Variants in LPIN2 observed in about 807,000 individuals in gnomAD.
The protein encoded by LPIN2 is lipin 2, also known as phosphatidate phosphatase LPIN2.
In LPIN2, 55 loss-of-function variants were observed where a neutral mutation model predicts 111.4. The observed-to-expected ratio is 0.49, with a 90% CI of 0.40 to 0.62. The LOEUF (loss-of-function observed/expected upper bound fraction) is 0.62. Ranked by LOEUF, LPIN2 falls within the 20% of genes least tolerant of loss-of-function variation. The pLI is 0.00. For synonymous variants in LPIN2, 425 were observed against 414.0 expected, an observed-to-expected ratio of 1.03 and a Z score of -0.32; for missense variants, 992 against 1,112.1, an observed-to-expected ratio of 0.89 and a Z score of 1.54.
intron 3 of LPIN2, among the ~76,000 whole-genome samples, chr18:2,952,795 C>T (rs150745925): frequency 1.3e-5 from 2 of 152,090 alleles, no homozygotes; most frequent in Non-Finnish European, 2.9e-5. Flanking sequence ...ATGAAGATAA[C>T]CTGAACGCCT....
intron 3 of LPIN2, among the ~76,000 whole-genome samples, chr18:2,953,714 T>TAG (rs2143130012): frequency 6.6e-6 from 1 of 152,340 alleles, no homozygotes; most frequent in Non-Finnish European, 1.5e-5. Flanking sequence ...ACTTGATGCT[T>TAG]ATCAGTTTTG....
chr18:2,931,302 G>C lies in LPIN2; in HGVS notation c.1410C>G (p.Thr470=), dbSNP rs35932462. The part of the protein sequence containing the change: ...SDSAMDLPDV[T]LSLCGGLSEN... Reference sequence around the variant, plus strand: ...CACTGAGGCCCCCGCAAAGGGAGAGGGTAACGTCAGGCAAGTCCATGGCAG... The same window carrying C: ...CACTGAGGCCCCCGCAAAGGGAGAGCGTAACGTCAGGCAAGTCCATGGCAG... The change falls in exon 9 of 20, where the codon ACC becomes ACG. Residue 470 remains threonine, a synonymous_variant. Transcript: ENST00000677752. The C allele has an allele frequency of 6.2e-6, 10 of 1,614,196 alleles. No individual in the cohort carries two copies. The African/African-American group carries it at 1.2e-4, about 19-fold the overall frequency.
intron 4 of LPIN2, among the ~76,000 whole-genome samples, chr18:2,949,702 A>G (rs932077876): frequency 6.6e-6 from 1 of 152,250 alleles, no homozygotes; most frequent in African/African-American, 2.4e-5. Flanking sequence ...TAAGATTTAA[A>G]ATCTAGATTT....
chr18:3,008,383 A>C (rs966844836), intron 1 of LPIN2, among the ~76,000 whole-genome samples: 1 of 152,248 alleles, frequency 6.6e-6, no homozygotes, highest in Non-Finnish European at 1.5e-5. Context: ...CGGAGGCTGC[A>C]GTGAGCCGAG....
At chr18:2,928,715 G>GA in intron 10 of LPIN2, 55 bp from the exon 11 acceptor site, 1 of 1,310,844 alleles carries the variant, frequency 7.6e-7, no homozygotes, top group Non-Finnish European at 1.1e-6. Flanking sequence ...GAGCAAGAGA[G>GA]AGGGGAGGGA....
At chr18:2,978,390 A>G (rs1188855332) in intron 1 of LPIN2, among the ~76,000 whole-genome samples, 1 of 152,172 alleles carries the variant, frequency 6.6e-6, no homozygotes, top group Non-Finnish European at 1.5e-5. Flanking sequence ...GACTCCTGGT[A>G]TGACTCACTG....
rs116715248 is a variant in LPIN2, at chr18:2,959,111, T to C, written c.192+1538A>G. On this transcript the variant is annotated intron_variant, in intron 2 of 19. Transcript: ENST00000677752. ...AACCTAAACTATGGCTAAATAACAC[T>C]GTTTTGCAATGGAAAGTTTCTAAGT... 8.6e-3 allele frequency among the ~76,000 whole-genome samples: 1,315 copies of C among 152,274 alleles called. 24 individuals are homozygous for C. Among genetic ancestry groups the C allele is most frequent in the African/African-American group, 0.03 (1,249 of 41,560 alleles).
At chr18:2,968,850 G>A (rs754931974) in intron 1 of LPIN2, among the ~76,000 whole-genome samples, 3 of 152,126 alleles carry the variant, frequency 2.0e-5, no homozygotes, top group Non-Finnish European at 4.4e-5. Flanking sequence ...AGGTCACAGG[G>A]GGAGGATGAA....
At position 2,931,445 on chromosome 18, in the gene LPIN2, T is replaced by C. The variant is rs1438352942; in HGVS notation, c.1269-2A>G. Reference sequence around the variant, plus strand: ...TGCCTGGAACCGGGCTCCGATTCACTGTGGACAGGGGATGGGGAAAAGATG... The same window carrying C: ...TGCCTGGAACCGGGCTCCGATTCACCGTGGACAGGGGATGGGGAAAAGATG... On this transcript the variant is annotated splice_acceptor_variant, in intron 8 of 19. Coordinates refer to ENST00000677752, the MANE Select transcript of LPIN2 (RefSeq NM_001375808.2). LOFTEE classifies it high-confidence loss of function. The C allele has an allele frequency of 1.3e-6, 2 of 1,578,476 alleles. No homozygotes were observed. Among genetic ancestry groups the C allele is most frequent in the Non-Finnish European group, 1.7e-6 (2 of 1,161,932 alleles).
chr18:2,975,881 T>C (rs1157346333), intron 1 of LPIN2, among the ~76,000 whole-genome samples: 1 of 152,234 alleles, frequency 6.6e-6, no homozygotes, highest in African/African-American at 2.4e-5. Context: ...TGACTATCAC[T>C]GACATTGGTG....
In LPIN2 at chr18:2,966,129, G is replaced by A. The variant is rs139783969; in HGVS notation, c.-9-5280C>T. Among the ~76,000 whole-genome samples, 372 of 152,006 alleles carry A rather than the reference G, an allele frequency of 2.4e-3. 2 individuals carry two copies. The highest frequency in any genetic ancestry group is 0.024 in the Middle Eastern group (7 of 294). The stretch of plus-strand genomic sequence containing the variant: ...TCTTGTATTTTTTTGTAGAGACGGG[G>A]TTTTGCCATGTTGCCCAGGTTGGTC... On this transcript the variant is annotated intron_variant, in intron 1 of 19. Transcript: ENST00000677752.
chr18:2,936,214 AT>A (rs1054041113), intron 7 of LPIN2, among the ~76,000 whole-genome samples: 2 of 151,824 alleles, frequency 1.3e-5, no homozygotes, highest in African/African-American at 4.8e-5. Flanking sequence ...TGGTGCTAGA[AT>A]TTTTTTTTAA....
chr18:2,927,923 AT>A, intron 11 of LPIN2, 112 bp from the exon 12 acceptor site: 1 of 884,558 alleles, frequency 1.1e-6, no homozygotes, highest in Non-Finnish European at 1.9e-6. Flanking sequence ...AACGTGACCG[AT>A]GCTCTCTTCA....
chr18:2,922,190 G>A lies in LPIN2; in HGVS notation c.2184C>T (p.Tyr728=), dbSNP rs1020598434. 9 of 1,613,858 alleles carry A rather than the reference G, an allele frequency of 5.6e-6. No homozygotes were observed. The African/African-American group carries it at 1.1e-4, about 19-fold the overall frequency. ...KLYHSINENG[Y]KFLYCSARAI... Reference sequence around the variant, plus strand: ...CACGAGCCGAGCAGTACAGAAACTTGTAGCCATTCCTGAAAGAAAACACAC... The same window carrying A: ...CACGAGCCGAGCAGTACAGAAACTTATAGCCATTCCTGAAAGAAAACACAC... Residue 728 remains tyrosine, a synonymous_variant, in exon 17 of 20, where the codon TAC becomes TAT. Transcript: ENST00000677752.
intron 4 of LPIN2, among the ~76,000 whole-genome samples, chr18:2,945,251 A>G (rs1480267105): frequency 2.0e-5 from 3 of 152,254 alleles, no homozygotes; most frequent in African/African-American, 4.8e-5. Flanking sequence ...TAACAGAGAA[A>G]TACAAAGAAA....
At chr18:2,920,458 G>GAGGC (rs770755633) in intron 19 of LPIN2, 21 bp from the exon 20 acceptor site, 3 of 1,613,374 alleles carry the variant, frequency 1.9e-6, no homozygotes, top group Non-Finnish European at 2.5e-6. Context: ...GGTTGGGGAA[G>GAGGC]AGGCACAGGC....
rs74568490 is a variant in LPIN2, at chr18:2,973,275, T to C, written c.-9-12426A>G. Among the ~76,000 whole-genome samples, 1,270 of 152,260 alleles carry C rather than the reference T, an allele frequency of 8.3e-3. 24 individuals carry two copies. The highest frequency in any genetic ancestry group is 0.028 in the African/African-American group (1,181 of 41,542). On this transcript the variant is annotated intron_variant, in intron 1 of 19. Coordinates refer to ENST00000677752, the MANE Select transcript of LPIN2 (RefSeq NM_001375808.2). ...TACAGTTGTTAGCTGTGACCACACA[T>C]TGCTGTAGCCACCACTATAATCAAG... is the stretch of plus-strand genomic sequence containing the variant.
In LPIN2 at chr18:2,917,256, A is replaced by C. The variant is rs1215622340; in HGVS notation, c.*3037T>G. 1 of 152,244 alleles carries C rather than the reference A, an allele frequency of 6.6e-6. No individual in the cohort carries two copies. Among genetic ancestry groups the C allele is most frequent in the Non-Finnish European group, 1.5e-5 (1 of 68,044 alleles). 9.4% of individuals were successfully genotyped at this position (152,244 alleles called of 1,614,324 possible). A position where few individuals can be genotyped will look rare whatever the true frequency, so the allele number is the denominator to read the frequency against. ...CCCTTTCTTACTTTCAAACAAAACC[A>C]AAAGAGTAGTTTTCATCTGGAAAGA... On this transcript the variant is annotated 3_prime_UTR_variant, in exon 20 of 20. Transcript: ENST00000677752.
chr18:2,955,727 CCAA>C (rs766335299), intron 2 of LPIN2, among the ~76,000 whole-genome samples: 3 of 152,118 alleles, frequency 2.0e-5, no homozygotes, highest in Non-Finnish European at 4.4e-5. Context: ...ACCAACCTGA[CCAA>C]CATGGTGAAA....
Sources: allele counts gnomAD v4.1 joint callset (sites outside exome capture counted in the v4.1 genomes callset), GRCh38; gene constraint gnomAD v4.1.1; transcripts MANE v1.5; gene names NCBI Gene and HGNC (gene_info 2026-07-23, HGNC 2026-07-21).